LAMA2: variants seen among roughly 807,000 people sequenced by gnomAD.
The protein encoded by LAMA2 is laminin subunit alpha-2.
In LAMA2, 269 loss-of-function variants were observed where a neutral mutation model predicts 364.8. The observed-to-expected ratio is 0.74, with a 90% CI of 0.67 to 0.82. The LOEUF is 0.82. Among genes scored for constraint, LAMA2 ranks in the 40% least tolerant of loss-of-function variants. The pLI is 0.00. For synonymous variants in LAMA2, 1,379 were observed against 1,370.6 expected (o/e 1.01, Z -0.14); for missense variants, 3,807 against 3,873.2 (o/e 0.98, Z 0.45).
At position 129,427,767 on chromosome 6, in the gene LAMA2, G is replaced by T. The variant is rs764356977; in HGVS notation, c.5881G>T (p.Gly1961Cys). 2 of 1,613,154 alleles carry T rather than the reference G, an allele frequency of 1.2e-6. No individual in the cohort carries two copies. Among genetic ancestry groups the T allele is most frequent in the Non-Finnish European group, 1.7e-6 (2 of 1,179,406 alleles). ...EATKLATGPR[G>C]LLKEDAKGCL... ...CTGTCCACAGGCAACAGGTCCTCGG[G>T]GTTTATTAAAGGAAGATGCCAAAGG... The change falls in exon 41 of 65, where the codon GGT (glycine) becomes TGT (cysteine). Residue 1961 changes from glycine to cysteine, a missense_variant. By Grantham distance (159) the Gly-to-Cys change is radical. Coordinates refer to ENST00000421865, the MANE Select transcript of LAMA2 (RefSeq NM_000426.4).
At chr6:129,048,535 TCC>T (rs1363475038) in intron 1 of LAMA2, among the ~76,000 whole-genome samples, 3,586 of 79,186 alleles carry the variant, frequency 0.045, 301 homozygotes, top group East Asian at 0.084. Flanking sequence ...CTTCCTTCCT[TCC>T]TTCCTTTCTT....
At chr6:129,452,464 C>A (rs527342003) in intron 45 of LAMA2, among the ~76,000 whole-genome samples, 2 of 152,186 alleles carry the variant, frequency 1.3e-5, no homozygotes, top group South Asian at 4.1e-4. Context: ...GATTAATATT[C>A]TTCTTATTGT....
At chr6:129,384,621 T>G (rs1271420368) in intron 35 of LAMA2, among the ~76,000 whole-genome samples, 1 of 152,138 alleles carries the variant, frequency 6.6e-6, no homozygotes, top group South Asian at 2.1e-4. Context: ...AATATTTGCT[T>G]CTTCTGGGTG....
intron 1 of LAMA2, among the ~76,000 whole-genome samples, chr6:128,912,020 C>T (rs188711580): frequency 1.0e-3 from 152 of 152,216 alleles, no homozygotes; most frequent in African/African-American, 3.5e-3. Flanking sequence ...ATGAATGTAC[C>T]TCCATTTTTA....
At chr6:129,358,272 T>G (rs1000953150) in intron 32 of LAMA2, among the ~76,000 whole-genome samples, 1 of 152,008 alleles carries the variant, frequency 6.6e-6, no homozygotes, top group African/African-American at 2.4e-5. Context: ...TCCTAGTTGT[T>G]AGAGATCAGT....
At chr6:129,236,364 T>C (rs1784982204) in intron 12 of LAMA2, among the ~76,000 whole-genome samples, 3 of 152,214 alleles carry the variant, frequency 2.0e-5, no homozygotes, top group Non-Finnish European at 2.9e-5. Context: ...ATTTTTAAAA[T>C]GAAACATCTG....
At chr6:128,934,100 A>C (rs1164445565) in intron 1 of LAMA2, among the ~76,000 whole-genome samples, 1 of 152,204 alleles carries the variant, frequency 6.6e-6, no homozygotes. Context: ...ATCCATTTTC[A>C]GTTGATTTTT....
At chr6:129,423,989 G>T (rs906581257) in intron 40 of LAMA2, among the ~76,000 whole-genome samples, 16 of 152,042 alleles carry the variant, frequency 1.1e-4, no homozygotes, top group African/African-American at 3.9e-4. Flanking sequence ...TTACTACCAA[G>T]CTATGGTAAT....
intron 1 of LAMA2, among the ~76,000 whole-genome samples, chr6:128,998,095 C>A (rs1378016114): frequency 6.6e-6 from 1 of 151,762 alleles, no homozygotes; most frequent in Non-Finnish European, 1.5e-5. Context: ...GGAGTGGGTG[C>A]CTGATGCGGA....
At chr6:129,500,036 T>C (rs1785506700) in intron 58 of LAMA2, among the ~76,000 whole-genome samples, 1 of 152,010 alleles carries the variant, frequency 6.6e-6, no homozygotes, top group African/African-American at 2.4e-5. Flanking sequence ...ATTAAAAACA[T>C]GAGCCACCAC....
chr6:129,064,263 A>G (rs1789135701), intron 3 of LAMA2, among the ~76,000 whole-genome samples: 1 of 152,036 alleles, frequency 6.6e-6, no homozygotes. Flanking sequence ...GATAAGAAGA[A>G]GCAAAAGCAG....
intron 34 of LAMA2, among the ~76,000 whole-genome samples, chr6:129,372,720 C>T (rs1158486466): frequency 6.6e-6 from 1 of 152,162 alleles, no homozygotes; most frequent in East Asian, 1.9e-4. Context: ...AAAGAAATTA[C>T]CAAAATGTAT....
intron 12 of LAMA2, among the ~76,000 whole-genome samples, chr6:129,237,787 A>T (rs549061886): frequency 1.3e-5 from 2 of 152,158 alleles, no homozygotes; most frequent in African/African-American, 4.8e-5. Flanking sequence ...AATGCATGAG[A>T]GTACTTGTTT....
chr6:129,400,547 A>C (rs780825131), intron 37 of LAMA2, among the ~76,000 whole-genome samples: 2 of 152,254 alleles, frequency 1.3e-5, no homozygotes, highest in Admixed American at 1.3e-4. Flanking sequence ...GGAATGAATC[A>C]GAAGTATAAA....
chr6:128,909,322 G>C (rs1408993734), intron 1 of LAMA2, among the ~76,000 whole-genome samples: 1 of 152,080 alleles, frequency 6.6e-6, no homozygotes, highest in Non-Finnish European at 1.5e-5. Context: ...GGGTGCTCCT[G>C]TGTTGGGTGC....
intron 21 of LAMA2, among the ~76,000 whole-genome samples, chr6:129,300,242 T>A (rs1216040962): frequency 1.3e-5 from 2 of 152,214 alleles, no homozygotes; most frequent in African/African-American, 4.8e-5. Flanking sequence ...TGGATTATTC[T>A]GTTGTGTGCG....
rs767975386 is a variant in LAMA2, at chr6:129,147,045, A to G, written c.906A>G (p.Thr302=). The change falls in exon 6 of 65, where the codon ACA becomes ACG. Residue 302 remains threonine (T), a synonymous_variant. Coordinates refer to ENST00000421865, the MANE Select transcript of LAMA2 (RefSeq NM_000426.4). ...GGGCTTGTCCACTTGATCCAGCGAC[A>G]AATGTATGTATATTTATAGGATGCT... The part of the protein sequence containing the change: ...HARACPLDPA[T]NKSRCECEHN... 1.0e-5 allele frequency: 16 copies of G among 1,590,976 alleles called. No individual in the cohort carries two copies. In the South Asian group the frequency reaches 1.8e-4, roughly 18 times the overall value.
chr6:129,177,610 C>A (rs1263777092), intron 9 of LAMA2, 96 bp from the exon 10 acceptor site: 3 of 1,258,498 alleles, frequency 2.4e-6, no homozygotes, highest in Middle Eastern at 1.9e-4. Flanking sequence ...ATTTTTGTGT[C>A]AAAATAGCAT....
At chr6:129,480,583 G>C (rs1784297962) in intron 54 of LAMA2, among the ~76,000 whole-genome samples, 1 of 152,112 alleles carries the variant, frequency 6.6e-6, no homozygotes, top group Admixed American at 6.6e-5. Context: ...ATGAATTATA[G>C]AAAGCTATAT....
Sources: gnomAD v4.1 joint callset for allele counts (sites outside exome capture counted in the v4.1 genomes callset) on GRCh38, gnomAD v4.1.1 for gene constraint, MANE v1.5 for transcripts, NCBI Gene and HGNC (gene_info 2026-07-23, HGNC 2026-07-21) for gene names.